SLC25A24: variants seen among roughly 807,000 people sequenced by gnomAD.
The protein encoded by SLC25A24 is solute carrier family 25 member 24, also known as mitochondrial adenyl nucleotide antiporter SLC25A24.
A neutral mutation model predicts 60.7 loss-of-function variants in SLC25A24; 49 were observed. That is an observed-to-expected ratio of 0.81 (90% CI 0.64 to 1.02). The LOEUF is 1.02. Among genes scored for constraint, SLC25A24 ranks in the 50% least tolerant of loss-of-function variants. The pLI is 0.00. For missense variants in SLC25A24, 564 were observed against 586.3 expected (o/e 0.96, Z 0.39); for synonymous variants, 202 against 200.6 (o/e 1.01, Z -0.06).
At chr1:108,167,892 G>A (rs1474718154) in intron 3 of SLC25A24, among the ~76,000 whole-genome samples, 1 of 152,072 alleles carries the variant, frequency 6.6e-6, no homozygotes, top group East Asian at 1.9e-4. Flanking sequence ...ATTAATATTT[G>A]GCTTGTTTTA....
chr1:108,169,529 T>C (rs991816347), intron 3 of SLC25A24, among the ~76,000 whole-genome samples: 2 of 152,222 alleles, frequency 1.3e-5, no homozygotes, highest in African/African-American at 4.8e-5. Context: ...TCTTTAAATT[T>C]TTACATATAA....
At chr1:108,155,950 A>AACACACACACACACAC (rs58815373) in intron 5 of SLC25A24, among the ~76,000 whole-genome samples, 2 of 149,146 alleles carry the variant, frequency 1.3e-5, no homozygotes, top group African/African-American at 4.9e-5. Flanking sequence ...ACTACCACTA[A>AACACACACACACACAC]ACACACACAC....
chr1:108,170,383 T>C (rs829008), intron 3 of SLC25A24, among the ~76,000 whole-genome samples: 30,280 of 152,010 alleles, frequency 0.2, 3,146 homozygotes, highest in Admixed American at 0.22. Context: ...TGGCCTACTA[T>C]GAAATCAATT....
At chr1:108,195,696 A>C (rs1471136257) in intron 1 of SLC25A24, among the ~76,000 whole-genome samples, 1 of 152,178 alleles carries the variant, frequency 6.6e-6, no homozygotes, top group African/African-American at 2.4e-5. Flanking sequence ...CATGTCTGAC[A>C]ATTAAAATAT....
chr1:108,168,596 A>T (rs1647318698), intron 3 of SLC25A24, among the ~76,000 whole-genome samples: 1 of 152,228 alleles, frequency 6.6e-6, no homozygotes, highest in African/African-American at 2.4e-5. Context: ...CCTTCAAATT[A>T]CTAAACGTGT....
intron 6 of SLC25A24, among the ~76,000 whole-genome samples, chr1:108,152,460 G>A (rs115612966): frequency 0.027 from 4,042 of 151,990 alleles, 186 homozygotes; most frequent in African/African-American, 0.089. Flanking sequence ...TCTGCCTCTC[G>A]AGCTCAAGTG....
chr1:108,167,173 G>A (rs1323969314), intron 3 of SLC25A24, among the ~76,000 whole-genome samples: 1 of 151,078 alleles, frequency 6.6e-6, no homozygotes, highest in Non-Finnish European at 1.5e-5. Context: ...TGCGTGCTGG[G>A]AGAACCACTG....
rs1379733997 is a variant in SLC25A24, at chr1:108,161,221, TGTAACAG to T, written c.464_470del (p.Pro155GlnfsTer18). ...AGAAACGGATAATTTCCTCAATGTC[TGTAACAG>T]GATTAAATAAGAAGTAGTCTCTCCA... On this transcript the variant is annotated frameshift_variant, in exon 4 of 10. Transcript: ENST00000565488. LOFTEE classifies it high-confidence loss of function. The T allele has an allele frequency of 6.3e-7, 1 of 1,597,822 alleles. No individual in the cohort carries two copies. Among genetic ancestry groups the T allele is most frequent in the East Asian group, 2.2e-5 (1 of 44,796 alleles).
chr1:108,164,644 T>C (rs1680191352), intron 3 of SLC25A24, among the ~76,000 whole-genome samples: 1 of 149,588 alleles, frequency 6.7e-6, no homozygotes, highest in South Asian at 2.1e-4. Context: ...TGATATCCCC[T>C]TTATCATTTT....
intron 1 of SLC25A24, 59 bp downstream of exon 1, chr1:108,199,897 A>G: frequency 7.4e-7 from 1 of 1,358,814 alleles, no homozygotes; most frequent in Non-Finnish European, 1.0e-6. Flanking sequence ...CGGTCCTCGC[A>G]GTGTCCCCAG....
At chr1:108,161,045 T>C (rs1571291138) in intron 4 of SLC25A24, 137 bp downstream of exon 4, 1 of 540,210 alleles carries the variant, frequency 1.9e-6, no homozygotes, top group East Asian at 3.3e-5. Flanking sequence ...CCTAATAGAA[T>C]AAATAGAACT....
Position 108,148,279 on chromosome 1 carries a change from C to G in SLC25A24, c.930G>C (p.Glu310Asp). The G allele has an allele frequency of 6.4e-7, 1 of 1,550,678 alleles. No homozygotes were observed. Among genetic ancestry groups the G allele is most frequent in the African/African-American group, 1.4e-5 (1 of 73,790 alleles). The change falls in exon 7 of 10, where the codon GAG becomes GAC. Residue 310 changes from glutamate to aspartate, a missense_variant and splice_region_variant. Coordinates refer to ENST00000565488, the MANE Select transcript of SLC25A24 (RefSeq NM_013386.5). Reference sequence around the variant, plus strand: ...AGTCAGACTTGACAATGGTACTCACCTCCATTGGATATATAAAAGTCTGTG... The same window carrying G: ...AGTCAGACTTGACAATGGTACTCACGTCCATTGGATATATAAAAGTCTGTG... ...ATAQTFIYPM[E>D]VMKTRLAVGK...
intron 1 of SLC25A24, among the ~76,000 whole-genome samples, chr1:108,187,153 C>T (rs534495265): frequency 6.6e-6 from 1 of 152,052 alleles, no homozygotes; most frequent in East Asian, 1.9e-4. Context: ...GATCTCCAAC[C>T]TCCAGACTGA....
intron 7 of SLC25A24, 61 bp downstream of exon 7, chr1:108,148,218 G>A (rs1679659469): frequency 1.0e-6 from 1 of 973,398 alleles, no homozygotes. Context: ...TAACTTGTTA[G>A]AGAGCAATAG....
Position 108,161,206 on chromosome 1 carries a change from A to G in SLC25A24, c.486T>C (p.Ile162=). ...CTGTAGAATGTTTCCAGAAACGGAT[A>G]ATTTCCTCAATGTCTGTAACAGGAT... ...LFNPVTDIEE[I]IRFWKHSTGI... The change falls in exon 4 of 10, where the codon ATT becomes ATC. Residue 162 remains isoleucine (I), a synonymous_variant. Coordinates refer to ENST00000565488, the MANE Select transcript of SLC25A24 (RefSeq NM_013386.5). 3 of 1,574,094 alleles carry G rather than the reference A, an allele frequency of 1.9e-6. No individual in the cohort carries two copies. The South Asian group carries it at 3.3e-5, about 18-fold the overall frequency.
intron 3 of SLC25A24, among the ~76,000 whole-genome samples, chr1:108,164,281 T>C (rs1220014825): frequency 6.6e-6 from 1 of 152,092 alleles, no homozygotes; most frequent in Non-Finnish European, 1.5e-5. Flanking sequence ...TGCCTGGCTT[T>C]GGTATCAGGA....
intron 7 of SLC25A24, among the ~76,000 whole-genome samples, chr1:108,147,679 G>A (rs1679640814): frequency 6.6e-6 from 1 of 152,142 alleles, no homozygotes; most frequent in Non-Finnish European, 1.5e-5. Flanking sequence ...CAAATCCTGA[G>A]ATTCCATTAT....
intron 4 of SLC25A24, 121 bp from the exon 5 acceptor site, chr1:108,157,741 A>G: frequency 9.3e-7 from 1 of 1,073,318 alleles, no homozygotes; most frequent in Non-Finnish European, 1.3e-6. Flanking sequence ...CCTAGAATTT[A>G]TACTAAACCA....
At chr1:108,155,642 G>C (rs1679877155) in intron 5 of SLC25A24, among the ~76,000 whole-genome samples, 1 of 152,004 alleles carries the variant, frequency 6.6e-6, no homozygotes, top group Non-Finnish European at 1.5e-5. Context: ...AAATGGTTTG[G>C]ATATTGTGTA....
Sources: gnomAD v4.1 joint callset for allele counts (sites outside exome capture counted in the v4.1 genomes callset) on GRCh38, gnomAD v4.1.1 for gene constraint, MANE v1.5 for transcripts, NCBI Gene and HGNC (gene_info 2026-07-23, HGNC 2026-07-21) for gene names.